Variants in XKR9 observed in about 807,000 individuals in gnomAD.
The protein encoded by XKR9 is XK related 9, also known as XK-related protein 9.
Under a neutral mutation model 32.0 loss-of-function variants are expected in XKR9, and 32 were observed. That is an observed-to-expected ratio of 1.00 (90% CI 0.76 to 1.34). XKR9 has a LOEUF of 1.34. XKR9 is among the 40% of genes most tolerant of loss of function. XKR9 has a pLI of 0.00. For synonymous variants in XKR9, 168 were observed against 143.4 expected, an observed-to-expected ratio of 1.17 and a Z score of -1.22; for missense variants, 546 against 429.7, an observed-to-expected ratio of 1.27 and a Z score of -2.39.
At chr8:70,924,188 G>T in the XKR9 span, among the ~76,000 whole-genome samples, 1 of 152,254 alleles carries the variant, frequency 6.6e-6, no homozygotes, top group Non-Finnish European at 1.5e-5. Flanking sequence ...CTCAGAAATA[G>T]TTCCGTGAAC....
the XKR9 span, among the ~76,000 whole-genome samples, chr8:70,905,320 T>G: frequency 6.6e-6 from 1 of 152,168 alleles, no homozygotes; most frequent in Non-Finnish European, 1.5e-5. Flanking sequence ...TGTTCGTTTC[T>G]TTTTACTCCT....
At chr8:71,060,128 A>G in the XKR9 span, among the ~76,000 whole-genome samples, 2 of 152,138 alleles carry the variant, frequency 1.3e-5, no homozygotes, top group Non-Finnish European at 2.9e-5. Context: ...TCGCTCCATG[A>G]CTAGTTACAT....
intron 2 of XKR9, among the ~76,000 whole-genome samples, chr8:70,754,918 CT>C (rs1256575757): frequency 6.6e-6 from 1 of 152,140 alleles, no homozygotes; most frequent in Admixed American, 6.5e-5. Context: ...CAATTGGGAT[CT>C]AATTAAACTG....
the XKR9 span, among the ~76,000 whole-genome samples, chr8:70,877,711 G>C: frequency 1.6e-4 from 25 of 152,310 alleles, no homozygotes; most frequent in African/African-American, 5.8e-4. Context: ...GTGATGGGGA[G>C]AATGGAACCA....
intron 2 of XKR9, among the ~76,000 whole-genome samples, chr8:70,763,482 A>G (rs1807334522): frequency 6.6e-6 from 1 of 152,142 alleles, no homozygotes; most frequent in African/African-American, 2.4e-5. Context: ...ACTGAAATAG[A>G]ATTTGAGAAT....
At chr8:70,986,427 A>C in the XKR9 span, among the ~76,000 whole-genome samples, 1 of 152,232 alleles carries the variant, frequency 6.6e-6, no homozygotes. Flanking sequence ...GTAAGGGGAA[A>C]AATATGTAAC....
At chr8:70,669,697 C>T (rs1323946306) in intron 1 of XKR9, among the ~76,000 whole-genome samples, 159 bp downstream of exon 1, 3 of 130,266 alleles carry the variant, frequency 2.3e-5, no homozygotes, top group East Asian at 2.3e-4. Flanking sequence ...GACGAAGTCT[C>T]GGTCTGTCGC....
the XKR9 span, among the ~76,000 whole-genome samples, chr8:70,999,851 A>C: frequency 6.6e-6 from 1 of 152,198 alleles, no homozygotes; most frequent in Non-Finnish European, 1.5e-5. Context: ...TTACCATTGG[A>C]TATTTTACAG....
chr8:70,815,465 C>T, the XKR9 span, among the ~76,000 whole-genome samples: 1 of 152,000 alleles, frequency 6.6e-6, no homozygotes, highest in African/African-American at 2.4e-5. Flanking sequence ...AGGATAATGG[C>T]CTCCATCCAT....
chr8:70,788,785 A>G (rs778126193), intron 2 of XKR9, among the ~76,000 whole-genome samples: 6 of 152,104 alleles, frequency 3.9e-5, no homozygotes, highest in Admixed American at 6.6e-5. Context: ...ATGTTTAACA[A>G]AAATTTGACC....
intron 4 of XKR9, among the ~76,000 whole-genome samples, chr8:70,727,229 G>A (rs1473817818): frequency 6.6e-6 from 1 of 151,434 alleles, no homozygotes; most frequent in Non-Finnish European, 1.5e-5. Context: ...TTGTTTATGT[G>A]TTAATTTGAT....
the XKR9 span, among the ~76,000 whole-genome samples, chr8:70,815,414 C>T: frequency 2.0e-5 from 3 of 152,144 alleles, no homozygotes; most frequent in East Asian, 3.8e-4. Flanking sequence ...CAAGTGAGAA[C>T]ATGTGGTATT....
chr8:70,812,479 T>C, the XKR9 span, among the ~76,000 whole-genome samples: 6 of 152,220 alleles, frequency 3.9e-5, no homozygotes, highest in African/African-American at 7.2e-5. Flanking sequence ...GGATATTCAA[T>C]GAGGAAAAGA....
At chr8:70,909,478 C>A in the XKR9 span, among the ~76,000 whole-genome samples, 1 of 151,896 alleles carries the variant, frequency 6.6e-6, no homozygotes, top group South Asian at 2.1e-4. Context: ...CATTTGTTTA[C>A]GTTTTGTATA....
chr8:71,002,454 A>G, the XKR9 span, among the ~76,000 whole-genome samples: 2 of 151,782 alleles, frequency 1.3e-5, no homozygotes, highest in African/African-American at 4.8e-5. Flanking sequence ...AATTAACAGC[A>G]TAGTATATTA....
At chr8:70,695,169 ATTTT>A in intron 3 of XKR9, among the ~76,000 whole-genome samples, 1 of 144,832 alleles carries the variant, frequency 6.9e-6, no homozygotes, top group East Asian at 2.0e-4. Context: ...TTTTAAAAAA[ATTTT>A]TTTTTATTTT....
intron 3 of XKR9, among the ~76,000 whole-genome samples, chr8:70,686,599 A>G (rs1352755315): frequency 6.6e-6 from 1 of 151,830 alleles, no homozygotes. Context: ...ATGTGCCACC[A>G]TGCCTGGCTA....
At chr8:70,806,224 G>A in the XKR9 span, among the ~76,000 whole-genome samples, 2 of 152,056 alleles carry the variant, frequency 1.3e-5, no homozygotes, top group African/African-American at 4.8e-5. Flanking sequence ...CAATAGCATC[G>A]ACAACAACAA....
chr8:70,752,169 C>T (rs968754731), intron 2 of XKR9, among the ~76,000 whole-genome samples: 2 of 152,176 alleles, frequency 1.3e-5, no homozygotes, highest in Non-Finnish European at 2.9e-5. Context: ...TTATAGATTT[C>T]CCTATTCTGG....
Sources: allele counts gnomAD v4.1 joint callset (sites outside exome capture counted in the v4.1 genomes callset), GRCh38; gene constraint gnomAD v4.1.1; transcripts MANE v1.5; gene names NCBI Gene and HGNC (gene_info 2026-07-23, HGNC 2026-07-21).